Variants in SERPINH1 observed in about 807,000 individuals in gnomAD.
The protein encoded by SERPINH1 is serpin H1.
In SERPINH1, 22 loss-of-function variants were observed where a neutral mutation model predicts 32.3. The ratio of observed to expected loss-of-function variants is 0.68; its 90% CI spans 0.49 to 0.97. The LOEUF (loss-of-function observed/expected upper bound fraction) is 0.97. SERPINH1 is among the 50% of genes least tolerant of loss of function. The pLI, the probability that SERPINH1 is intolerant of heterozygous loss-of-function variation, is 0.00. For synonymous variants in SERPINH1, 251 were observed against 245.9 expected, an observed-to-expected ratio of 1.02 and a Z score of -0.19; for missense variants, 543 against 576.4, an observed-to-expected ratio of 0.94 and a Z score of 0.59.
intron 2 of SERPINH1, 60 bp downstream of exon 2, chr11:75,567,031 A>G: frequency 6.5e-7 from 1 of 1,549,726 alleles, no homozygotes; most frequent in Non-Finnish European, 8.7e-7. Flanking sequence ...TGCAAGAGTT[A>G]GGACGACATT....
Position 75,566,881 on chromosome 11 carries a change from G to A in SERPINH1, c.532G>A (p.Ala178Thr), listed in dbSNP as rs753922805. Residue 178 changes from alanine to threonine, a missense_variant, in exon 2 of 5, where the codon GCG becomes ACG. This residue lies in a region of SERPINH1 where 427 missense variants were observed against 446.4 expected (regional missense o/e 0.96). Transcript: ENST00000358171. ...SALQSINEWA[A>T]QTTDGKLPEV... ...GCTGCAGTCCATCAACGAGTGGGCC[G>A]CGCAGACCACCGACGGCAAGCTGCC... The A allele has an allele frequency of 3.1e-6, 5 of 1,609,826 alleles. No homozygotes were observed. The African/African-American group carries it at 4.0e-5, about 13-fold the overall frequency.
rs773655408 is a variant in SERPINH1, at chr11:75,572,054, A to G, written c.1228A>G (p.Lys410Glu). 2.5e-5 allele frequency: 41 copies of G among 1,614,162 alleles called. No individual in the cohort carries two copies. In the Admixed American group the frequency reaches 3.5e-4, roughly 14 times the overall value. Residue 410 changes from lysine to glutamate, a missense_variant, in exon 5 of 5, where the codon AAG becomes GAG. Physicochemically the swap from Lys to Glu is moderately conservative, Grantham distance 56 (BLOSUM62 1). Around this residue, in one of 3 missense-constraint regions of SERPINH1, gnomAD observed 427 missense variants for 446.4 expected, o/e 0.96. Coordinates refer to ENST00000358171, the MANE Select transcript of SERPINH1 (RefSeq NM_001235.5). ...ATTCATTGGGCGCCTGGTCCGGCCT[A>G]AGGGTGACAAGATGCGAGACGAGTT... ...LLFIGRLVRP[K>E]GDKMRDEL
chr11:75,572,282 T>C lies in SERPINH1; in HGVS notation c.*199T>C, dbSNP rs1166865706. On this transcript the variant is annotated 3_prime_UTR_variant, in exon 5 of 5. Coordinates refer to ENST00000358171, the MANE Select transcript of SERPINH1 (RefSeq NM_001235.5). The stretch of plus-strand genomic sequence containing the variant: ...ACTCCACTTGGACATGGGCCCCAGA[T>C]ACCATGATGCTGAGCCCGGAAACTC... 1.7e-5 allele frequency: 11 copies of C among 639,916 alleles called. No homozygotes were observed. Among genetic ancestry groups the C allele is most frequent in the Admixed American group, 9.0e-5 (4 of 44,482 alleles). 39.6% of individuals were successfully genotyped at this position (639,916 alleles called of 1,614,324 possible).
Position 75,566,679 on chromosome 11 carries a change from C to T in SERPINH1, c.330C>T (p.Gly110=). 1 of 1,609,282 alleles carries T rather than the reference C, an allele frequency of 6.2e-7. No homozygotes were observed. Among genetic ancestry groups the T allele is most frequent in the South Asian group, 1.1e-5 (1 of 90,706 alleles). ...EQLRDEEVHA[G]LGELLRSLSN... is the part of the protein sequence containing the mutation. Reference sequence around the variant, plus strand: ...TGCGCGACGAGGAGGTGCACGCCGGCCTGGGCGAGCTGCTGCGCTCACTCA... The same window carrying T: ...TGCGCGACGAGGAGGTGCACGCCGGTCTGGGCGAGCTGCTGCGCTCACTCA... The change falls in exon 2 of 5, where the codon GGC becomes GGT. Residue 110 remains glycine, a synonymous_variant. Transcript: ENST00000358171.
chr11:75,571,111 G>GT (rs756912351), intron 4 of SERPINH1, among the ~76,000 whole-genome samples: 9 of 152,088 alleles, frequency 5.9e-5, no homozygotes, highest in Non-Finnish European at 1.0e-4. Flanking sequence ...GTGTATATGT[G>GT]TTTTAACTTT....
chr11:75,569,768 G>A (rs182853619), intron 4 of SERPINH1, among the ~76,000 whole-genome samples: 4 of 152,232 alleles, frequency 2.6e-5, no homozygotes, highest in Admixed American at 2.6e-4. Context: ...ACTTTATTAG[G>A]TAGGACTATA....
intron 4 of SERPINH1, among the ~76,000 whole-genome samples, chr11:75,570,944 T>C (rs1299912918): frequency 6.6e-6 from 1 of 152,060 alleles, no homozygotes. Flanking sequence ...TATAAGCTGT[T>C]CTGTGAGGCT....
intron 4 of SERPINH1, among the ~76,000 whole-genome samples, chr11:75,570,341 G>T (rs529617271): frequency 1.6e-4 from 25 of 152,246 alleles, no homozygotes; most frequent in African/African-American, 5.5e-4. Flanking sequence ...GCTCGTACTG[G>T]TCTGTGCTGT....
At chr11:75,563,194 A>T (rs1016969617) in intron 1 of SERPINH1, 1 of 152,284 alleles carries the variant, frequency 6.6e-6, no homozygotes, top group African/African-American at 2.4e-5. Flanking sequence ...GAGGTGGCTG[A>T]AGAGCAGGAA....
Position 75,572,086 on chromosome 11 carries a change from C to T in SERPINH1, c.*3C>T, listed in dbSNP as rs377537840. ...ACAAGATGCGAGACGAGTTATAGGG[C>T]CTCAGGGTGCACACAGGATGGCAGG... On this transcript the variant is annotated 3_prime_UTR_variant, in exon 5 of 5. Coordinates refer to ENST00000358171, the MANE Select transcript of SERPINH1 (RefSeq NM_001235.5). 1.3e-5 allele frequency: 21 copies of T among 1,613,918 alleles called. 1 individual carries two copies. The African/African-American group carries it at 1.7e-4, about 13-fold the overall frequency.
In SERPINH1 at chr11:75,566,567, T is replaced by C; in HGVS notation, c.218T>C (p.Val73Ala). ...GAGAACATCCTGGTGTCACCCGTGGTGGTGGCCTCGTCGCTAGGGCTCGTG... is the reference window on the plus strand; with the variant it reads ...GAGAACATCCTGGTGTCACCCGTGGCGGTGGCCTCGTCGCTAGGGCTCGTG... ...AVENILVSPV[V>A]VASSLGLVSL... The change falls in exon 2 of 5, where the codon GTG becomes GCG. Residue 73 changes from valine to alanine, a missense_variant. Coordinates refer to ENST00000358171, the MANE Select transcript of SERPINH1 (RefSeq NM_001235.5). The C allele has an allele frequency of 6.2e-7, 1 of 1,610,346 alleles. No individual in the cohort carries two copies. The highest frequency in any genetic ancestry group is 8.5e-7 in the Non-Finnish European group (1 of 1,179,466).
chr11:75,568,725 C>T lies in SERPINH1; in HGVS notation c.623-6C>T. The T allele has an allele frequency of 6.2e-7, 1 of 1,609,236 alleles. No homozygotes were observed. The highest frequency in any genetic ancestry group is 8.5e-7 in the Non-Finnish European group (1 of 1,176,850). On this transcript the variant is annotated splice_region_variant and splice_polypyrimidine_tract_variant and intron_variant, in intron 2 of 4. Transcript: ENST00000358171. ...TCTCTGACCCTGTGTTTTGCCCCAA[C>T]TACAGCACACTGGGATGAGAAATTC...
intron 4 of SERPINH1, among the ~76,000 whole-genome samples, chr11:75,569,756 C>G (rs546271668): frequency 6.6e-6 from 1 of 152,112 alleles, no homozygotes; most frequent in Non-Finnish European, 1.5e-5. Flanking sequence ...ATCCTCAAAA[C>G]GACTTTATTA....
chr11:75,568,926 G>T lies in SERPINH1; in HGVS notation c.722-13G>T, dbSNP rs116506210. On this transcript the variant is annotated splice_polypyrimidine_tract_variant and intron_variant, in intron 3 of 4. Coordinates refer to ENST00000358171, the MANE Select transcript of SERPINH1 (RefSeq NM_001235.5). ...ACACAGGGTGCCCAGTGTCCTTTCCGCTCCTCTCCCAGGCCTCTACAACTA... is the reference window on the plus strand; with the variant it reads ...ACACAGGGTGCCCAGTGTCCTTTCCTCTCCTCTCCCAGGCCTCTACAACTA... 14 of 1,613,174 alleles carry T rather than the reference G, an allele frequency of 8.7e-6. No homozygotes were observed. The highest frequency in any genetic ancestry group is 1.2e-5 in the Non-Finnish European group (14 of 1,179,416).
rs368586977 is a variant in SERPINH1, at chr11:75,571,978, C to T, written c.1152C>T (p.Ala384=). 93 of 1,614,176 alleles carry T rather than the reference C, an allele frequency of 5.8e-5. No homozygotes were observed. The highest frequency in any genetic ancestry group is 4.0e-4 in the East Asian group (18 of 44,878). Residue 384 remains alanine, a synonymous_variant, in exon 5 of 5, where the codon GCC becomes GCT. Coordinates refer to ENST00000358171, the MANE Select transcript of SERPINH1 (RefSeq NM_001235.5). ...EELRSPKLFY[A]DHPFIFLVRD... ...TGCGCAGCCCCAAGCTGTTCTACGC[C>T]GACCACCCCTTCATCTTCCTAGTGC...
Position 75,566,418 on chromosome 11 carries a change from A to T in SERPINH1, c.69A>T (p.Lys23Asn). 6.2e-7 allele frequency: 1 copy of T among 1,611,478 alleles called. No individual in the cohort carries two copies. Among genetic ancestry groups the T allele is most frequent in the Non-Finnish European group, 8.5e-7 (1 of 1,179,518 alleles). ...CGGCCCTGGCCGCCGAGGTGAAGAA[A>T]CCTGCAGCCGCAGCAGCTCCTGGCA... is the stretch of plus-strand genomic sequence containing the variant. ...LEAALAAEVKKPAAAAAPGTA... is the reference protein window; with the variant it reads ...LEAALAAEVKNPAAAAAPGTA... Residue 23 changes from lysine (K) to asparagine (N), a missense_variant, in exon 2 of 5, where the codon AAA becomes AAT. By Grantham distance (94) the Lys-to-Asn change is moderately conservative. Around this residue, in one of 3 missense-constraint regions of SERPINH1, gnomAD observed 109 missense variants for 102.4 expected, o/e 1.06. Transcript: ENST00000358171.
At chr11:75,564,133 G>T (rs1409548260) in intron 1 of SERPINH1, among the ~76,000 whole-genome samples, 2 of 152,228 alleles carry the variant, frequency 1.3e-5, no homozygotes, top group Non-Finnish European at 2.9e-5. Flanking sequence ...TGGCAAATAT[G>T]TGGCACCCCC....
chr11:75,568,867 G>A (rs1218348295), intron 3 of SERPINH1, 38 bp downstream of exon 3: 1 of 1,605,212 alleles, frequency 6.2e-7, no homozygotes, highest in Non-Finnish European at 8.5e-7. Context: ...AGGTGGGTGG[G>A]GGTCCAAGGG....
intron 4 of SERPINH1, 59 bp downstream of exon 4, chr11:75,569,230 G>C: frequency 7.7e-7 from 1 of 1,293,282 alleles, no homozygotes; most frequent in Non-Finnish European, 1.1e-6. Flanking sequence ...AGGTGCTTGG[G>C]GGACCCACTC....
Sources: gnomAD v4.1 joint callset for allele counts (sites outside exome capture counted in the v4.1 genomes callset) on GRCh38, gnomAD v4.1.1 for gene constraint, gnomAD v4.1.1 regional missense constraint, MANE v1.5 for transcripts, NCBI Gene and HGNC (gene_info 2026-07-23, HGNC 2026-07-21) for gene names.